The following FGD6 variants were observed in gnomAD, a reference collection of about 807,000 sequenced individuals.
FGD6 encodes FYVE, RhoGEF and PH domain-containing protein 6.
A neutral mutation model predicts 149.4 loss-of-function variants in FGD6; 90 were observed. The observed-to-expected ratio is 0.60, with a 90% confidence interval of 0.51 to 0.72. The LOEUF (loss-of-function observed/expected upper bound fraction) is 0.72, where lower values mean the gene tolerates loss of function less well. Among genes scored for constraint, FGD6 ranks in the 30% least tolerant of loss-of-function variants. The pLI is 0.00. For missense variants in FGD6, 1,437 were observed against 1,684.8 expected, an observed-to-expected ratio of 0.85 and a Z score of 2.57; for synonymous variants, 527 against 584.0, an observed-to-expected ratio of 0.90 and a Z score of 1.41.
chr12:95,180,511 G>C (rs1198429665), intron 2 of FGD6, among the ~76,000 whole-genome samples: 1 of 151,694 alleles, frequency 6.6e-6, no homozygotes, highest in Non-Finnish European at 1.5e-5. Flanking sequence ...TCCAGCCTCA[G>C]GCTCCCAGGC....
chr12:95,208,262 T>A lies in FGD6; in HGVS notation c.2441+581A>T, dbSNP rs1023657280. 4.0e-4 allele frequency among the ~76,000 whole-genome samples: 60 copies of A among 149,754 alleles called. 1 individual carries two copies. Among genetic ancestry groups the A allele is most frequent in the African/African-American group, 1.2e-3 (49 of 39,884 alleles). The stretch of plus-strand genomic sequence containing the variant: ...GTAAGACCTCATCTCAAAAAAAAAA[T>A]TTTTTTTTAATTAAATTATTTTAAA... On this transcript the variant is annotated intron_variant, in intron 2 of 20. Transcript: ENST00000343958.
intron 8 of FGD6, among the ~76,000 whole-genome samples, chr12:95,121,481 G>GTGTATATATATATA (rs1491167311): frequency 7.4e-5 from 9 of 121,882 alleles, no homozygotes; most frequent in African/African-American, 3.0e-4. Context: ...ATATATATAT[G>GTGTATATATATATA]TATATATATA....
intron 2 of FGD6, among the ~76,000 whole-genome samples, chr12:95,183,897 G>A (rs1456763494): frequency 2.6e-5 from 4 of 152,240 alleles, no homozygotes; most frequent in East Asian, 3.9e-4. Flanking sequence ...GGGATCGCGA[G>A]GTACAAAGCA....
At chr12:95,100,638 G>A in intron 14 of FGD6, 1 of 531,738 alleles carries the variant, frequency 1.9e-6, no homozygotes, top group South Asian at 1.4e-5. Flanking sequence ...CTAAACCAGT[G>A]TGCACTATGG....
rs1877650824 is a variant in FGD6 at position 95,080,819 on chromosome 12, T to G, written c.*701A>C. 6.6e-6 allele frequency: 1 copy of G among 152,234 alleles called. No individual in the cohort carries two copies. Among genetic ancestry groups the G allele is most frequent in the African/African-American group, 2.4e-5 (1 of 41,462 alleles). 9.4% of individuals were successfully genotyped at this position (152,234 alleles called of 1,614,324 possible). On this transcript the variant is annotated 3_prime_UTR_variant, in exon 21 of 21. Transcript: ENST00000343958. Reference sequence around the variant, plus strand: ...CGGAAGAGTTGGTTATTTGTGGTATTCTGCAAATAAAAACATCTTCATTCC... The same window carrying G: ...CGGAAGAGTTGGTTATTTGTGGTATGCTGCAAATAAAAACATCTTCATTCC...
At chr12:95,151,921 G>C (rs903707515) in intron 5 of FGD6, among the ~76,000 whole-genome samples, 53 of 152,068 alleles carry the variant, frequency 3.5e-4, no homozygotes, top group African/African-American at 1.3e-3. Context: ...CACTTTAACT[G>C]TCAATGCATA....
chr12:95,095,293 C>A (rs1878197956), intron 14 of FGD6, among the ~76,000 whole-genome samples: 1 of 152,110 alleles, frequency 6.6e-6, no homozygotes, highest in Non-Finnish European at 1.5e-5. Context: ...TCTGTCCCTA[C>A]CCAGCTCATC....
At chr12:95,135,952 T>C (rs576250721) in intron 7 of FGD6, among the ~76,000 whole-genome samples, 1 of 152,320 alleles carries the variant, frequency 6.6e-6, no homozygotes, top group South Asian at 2.1e-4. Flanking sequence ...TGTTTTTTGA[T>C]AGCACAAAGA....
intron 14 of FGD6, among the ~76,000 whole-genome samples, chr12:95,104,316 T>C (rs140655856): frequency 1.3e-5 from 2 of 152,234 alleles, no homozygotes; most frequent in East Asian, 1.9e-4. Context: ...TTCTTAAAAA[T>C]AGGCCGGCAC....
intron 8 of FGD6, among the ~76,000 whole-genome samples, chr12:95,121,391 AGTGAGCTG>A (rs1879179506): frequency 3.4e-5 from 5 of 148,822 alleles, no homozygotes; most frequent in African/African-American, 1.2e-4. Flanking sequence ...TGGAGGTTGC[AGTGAGCTG>A]AGTTCACATC....
intron 8 of FGD6, among the ~76,000 whole-genome samples, chr12:95,116,323 T>C (rs540990234): frequency 3.4e-4 from 52 of 152,336 alleles, no homozygotes; most frequent in African/African-American, 1.1e-3. Flanking sequence ...ATCAAGTGAT[T>C]TTCCTTAAGC....
intron 2 of FGD6, among the ~76,000 whole-genome samples, chr12:95,177,993 T>C (rs1413810266): frequency 6.6e-6 from 1 of 151,930 alleles, no homozygotes; most frequent in Non-Finnish European, 1.5e-5. Context: ...CTTGAACTCC[T>C]GGCCTCAAAT....
chr12:95,179,629 A>G (rs1881222751), intron 2 of FGD6, among the ~76,000 whole-genome samples: 1 of 152,156 alleles, frequency 6.6e-6, no homozygotes, highest in African/African-American at 2.4e-5. Flanking sequence ...TTTAAAATAG[A>G]AGAGTACCTA....
intron 8 of FGD6, among the ~76,000 whole-genome samples, chr12:95,130,284 T>C (rs923470573): frequency 3.3e-5 from 5 of 152,174 alleles, no homozygotes; most frequent in African/African-American, 7.2e-5. Context: ...TCTTATCTTA[T>C]CATCTATGCA....
At chr12:95,116,875 G>GT (rs1879033112) in intron 8 of FGD6, 1 of 455,830 alleles carries the variant, frequency 2.2e-6, no homozygotes, top group Non-Finnish European at 4.4e-6. Context: ...TCCTTAAACA[G>GT]TTAAGAATCA....
intron 2 of FGD6, among the ~76,000 whole-genome samples, chr12:95,181,818 G>T (rs751385422): frequency 5.9e-5 from 9 of 152,108 alleles, no homozygotes; most frequent in Non-Finnish European, 1.3e-4. Context: ...GCTGGGCGTG[G>T]TGGCGGGCGC....
rs35618842 is a variant in FGD6 at position 95,086,844 on chromosome 12, CTTTTTTTT to C, written c.3979-944_3979-937del. On this transcript the variant is annotated intron_variant, in intron 18 of 20. Coordinates refer to ENST00000343958, the MANE Select transcript of FGD6 (RefSeq NM_018351.4). ...TACAGGCGTGAGCCACCACACCGGC[CTTTTTTTT>C]TTTTTTTTTTTTTTTAAGACAGTCT... Among the ~76,000 whole-genome samples, 6 of 92,892 alleles carry C rather than the reference CTTTTTTTT, an allele frequency of 6.5e-5. No individual in the cohort carries two copies. The South Asian group carries it at 2.1e-3, about 32-fold the overall frequency. 60.9% of individuals were successfully genotyped at this position (92,892 alleles called of 152,430 possible). A position where few individuals can be genotyped will look rare whatever the true frequency, so the allele number is the denominator to read the frequency against.
intron 1 of FGD6, among the ~76,000 whole-genome samples, chr12:95,213,754 T>A (rs1263916111): frequency 6.6e-6 from 1 of 152,218 alleles, no homozygotes; most frequent in Non-Finnish European, 1.5e-5. Flanking sequence ...GAAATTCAAT[T>A]AACTACGTAT....
chr12:95,097,001 G>A (rs969915476), intron 14 of FGD6, among the ~76,000 whole-genome samples: 1 of 152,180 alleles, frequency 6.6e-6, no homozygotes, highest in Non-Finnish European at 1.5e-5. Flanking sequence ...TCTGGAGCCC[G>A]GGGAGCATGT....
Sources: gnomAD v4.1 joint callset for allele counts (sites outside exome capture counted in the v4.1 genomes callset) on GRCh38, gnomAD v4.1.1 for gene constraint, MANE v1.5 for transcripts, NCBI Gene and HGNC (gene_info 2026-07-23, HGNC 2026-07-21) for gene names.